ATAD2: variants seen among roughly 807,000 people sequenced by gnomAD.
ATAD2 encodes ATPase family AAA domain-containing protein 2.
A neutral mutation model predicts 168.9 loss-of-function variants in ATAD2; 62 were observed. That is an observed-to-expected ratio of 0.37 (90% CI 0.30 to 0.45). ATAD2 has a LOEUF of 0.45. Ranked by LOEUF, ATAD2 falls within the 20% of genes least tolerant of loss-of-function variation. The pLI, the probability that ATAD2 is intolerant of heterozygous loss-of-function variation, is 1.00. For synonymous variants in ATAD2, 613 were observed against 571.6 expected, an observed-to-expected ratio of 1.07 and a Z score of -1.03; for missense variants, 1,419 against 1,667.8, an observed-to-expected ratio of 0.85 and a Z score of 2.60.
chr8:123,383,517 ATCCCAGGACT>A (rs1829554320), intron 1 of ATAD2, among the ~76,000 whole-genome samples: 1 of 152,184 alleles, frequency 6.6e-6, no homozygotes, highest in Non-Finnish European at 1.5e-5. Flanking sequence ...CATGCCTGTA[ATCCCAGGACT>A]TTGGGAGGCC....
chr8:123,394,821 G>A (rs534984708), intron 1 of ATAD2, among the ~76,000 whole-genome samples: 1 of 152,266 alleles, frequency 6.6e-6, no homozygotes, highest in Admixed American at 6.5e-5. Flanking sequence ...CCAGGTCTCT[G>A]CCAATTCCTG....
Position 123,370,956 on chromosome 8 carries a change from TTC to T in ATAD2, c.672_673del (p.Lys225ArgfsTer6). The T allele has an allele frequency of 6.2e-7, 1 of 1,607,584 alleles. No homozygotes were observed. On this transcript the variant is annotated frameshift_variant, in exon 6 of 28. Coordinates refer to ENST00000287394, the MANE Select transcript of ATAD2 (RefSeq NM_014109.4). LOFTEE classifies it high-confidence loss of function. ...TTCTTCATCAGTTCTTTGAATATCTTTCTGTTTTCCTCTTGTGTACATATTAA... is the reference window on the plus strand; with the variant it reads ...TTCTTCATCAGTTCTTTGAATATCTTTGTTTTCCTCTTGTGTACATATTAA...
At chr8:123,338,764 TG>T (rs1164761771) in intron 20 of ATAD2, among the ~76,000 whole-genome samples, 1 of 152,222 alleles carries the variant, frequency 6.6e-6, no homozygotes. Flanking sequence ...CCGGGCATTT[TG>T]GCATGAGCCT....
At chr8:123,333,681 T>C (rs551565347) in intron 24 of ATAD2, among the ~76,000 whole-genome samples, 197 bp downstream of exon 24, 2 of 152,224 alleles carry the variant, frequency 1.3e-5, no homozygotes, top group East Asian at 3.9e-4. Context: ...AGTCCACAAT[T>C]AGATGGTGAC....
At chr8:123,337,866 T>C in intron 20 of ATAD2, 45 bp from the exon 21 acceptor site, 1 of 1,495,196 alleles carries the variant, frequency 6.7e-7, no homozygotes, top group Non-Finnish European at 9.0e-7. Context: ...TCCATAACAT[T>C]GAGGTTGACA....
intron 13 of ATAD2, among the ~76,000 whole-genome samples, chr8:123,353,551 T>C (rs958261775): frequency 1.3e-5 from 2 of 152,224 alleles, no homozygotes; most frequent in African/African-American, 2.4e-5. Flanking sequence ...TATGTCATTC[T>C]GGTACGATTC....
chr8:123,346,760 CA>C lies in ATAD2; in HGVS notation c.2213-11del, dbSNP rs752412339. On this transcript the variant is annotated splice_polypyrimidine_tract_variant and intron_variant, in intron 16 of 27. Transcript: ENST00000287394. The stretch of plus-strand genomic sequence containing the variant: ...AGAGGACAAGAAATATCTATAAAAC[CA>C]AAAAATTGTACATTAGTAACTTTTG... The C allele has an allele frequency of 3.2e-6, 5 of 1,571,918 alleles. No homozygotes were observed. Among genetic ancestry groups the C allele is most frequent in the Admixed American group, 2.0e-5 (1 of 48,860 alleles).
chr8:123,356,325 C>T, intron 13 of ATAD2, 64 bp downstream of exon 13: 3 of 1,354,028 alleles, frequency 2.2e-6, no homozygotes, highest in Non-Finnish European at 3.1e-6. Flanking sequence ...CATTCTATCT[C>T]TCACACATCA....
At chr8:123,372,813 A>C in intron 2 of ATAD2, 127 bp from the exon 3 acceptor site, 1 of 693,808 alleles carries the variant, frequency 1.4e-6, no homozygotes, top group Non-Finnish European at 2.2e-6. Flanking sequence ...CTACAGCCTC[A>C]AACTGCTGGG....
At chr8:123,378,547 C>G (rs143822081) in intron 2 of ATAD2, among the ~76,000 whole-genome samples, 2 of 151,546 alleles carry the variant, frequency 1.3e-5, no homozygotes, top group Non-Finnish European at 2.9e-5. Context: ...ACTAAAAATA[C>G]AAAAATTAGC....
intron 22 of ATAD2, among the ~76,000 whole-genome samples, chr8:123,334,753 C>T (rs1324590858): frequency 6.6e-6 from 1 of 152,144 alleles, no homozygotes; most frequent in Non-Finnish European, 1.5e-5. Flanking sequence ...AAGCAACCCT[C>T]CACAGGAAAC....
chr8:123,334,752 T>C (rs1459553910), intron 22 of ATAD2, among the ~76,000 whole-genome samples: 1 of 152,184 alleles, frequency 6.6e-6, no homozygotes, highest in Non-Finnish European at 1.5e-5. Flanking sequence ...AAAGCAACCC[T>C]CCACAGGAAA....
intron 8 of ATAD2, among the ~76,000 whole-genome samples, chr8:123,365,303 T>A (rs911422510): frequency 1.3e-5 from 2 of 152,100 alleles, no homozygotes; most frequent in Admixed American, 6.5e-5. Context: ...TGGAAGCACA[T>A]CCCATGCTCA....
At position 123,380,546 on chromosome 8, in the gene ATAD2, A is replaced by G. The variant is rs1829464153; in HGVS notation, c.303T>C (p.Asn101=). The G allele has an allele frequency of 1.9e-6, 3 of 1,614,054 alleles. No individual in the cohort carries two copies. In the Admixed American group the frequency reaches 5.0e-5, roughly 27 times the overall value. The change falls in exon 2 of 28, where the codon AAT becomes AAC. Residue 101 remains asparagine (N), a synonymous_variant. Transcript: ENST00000287394. ...KNVEITEQLA[N]GRHFTRQLAR... ...TGTATTACCTTGTAAAATGCCTGCC[A>G]TTAGCAAGTTGCTCCGTTATTTCCA...
In ATAD2 at chr8:123,361,385, T is replaced by C. The variant is rs992754069; in HGVS notation, c.1157+154A>G. Among the ~76,000 whole-genome samples the C allele has an allele frequency of 3.3e-5, 5 of 151,940 alleles. No homozygotes were observed. In the South Asian group the frequency reaches 1.0e-3, roughly 32 times the overall value. ...CCTGTTATTCTGATTCAACTGTAGATAATTCTAACAAGACAGCATTCTAGT... is the reference window on the plus strand; with the variant it reads ...CCTGTTATTCTGATTCAACTGTAGACAATTCTAACAAGACAGCATTCTAGT... On this transcript the variant is annotated intron_variant, in intron 9 of 27. Coordinates refer to ENST00000287394, the MANE Select transcript of ATAD2 (RefSeq NM_014109.4).
chr8:123,372,727 T>A lies in ATAD2; in HGVS notation c.321-41A>T, dbSNP rs1457911521. On this transcript the variant is annotated intron_variant, in intron 2 of 27. Coordinates refer to ENST00000287394, the MANE Select transcript of ATAD2 (RefSeq NM_014109.4). ...TTAGATTAATTCAAAATAATTGACA[T>A]AACTTTATTTTTATTTATTTAGATG... 3.4e-6 allele frequency: 5 copies of A among 1,466,942 alleles called. No homozygotes were observed. In the Admixed American group the frequency reaches 8.3e-5, roughly 24 times the overall value. The allele number at this position is 1,466,942 out of a possible 1,614,324, so 90.9% of individuals were successfully genotyped here. A position where few individuals can be genotyped will look rare whatever the true frequency, so the allele number is the denominator to read the frequency against.
At chr8:123,321,337 A>AAACT (rs58618276) in intron 27 of ATAD2, among the ~76,000 whole-genome samples, 162 bp from the exon 28 acceptor site, 12,480 of 151,900 alleles carry the variant, frequency 0.082, 1,676 homozygotes, top group African/African-American at 0.29. Flanking sequence ...ACTGCCACAT[A>AAACT]GATTTTACCT....
At chr8:123,380,729 T>G (rs749370490) in intron 1 of ATAD2, 52 bp from the exon 2 acceptor site, 1 of 1,561,134 alleles carries the variant, frequency 6.4e-7, no homozygotes, top group Non-Finnish European at 8.7e-7. Context: ...AAAACTCCAA[T>G]TTAAATTCCT....
intron 13 of ATAD2, among the ~76,000 whole-genome samples, chr8:123,354,864 A>T (rs9297667): frequency 0.029 from 1,869 of 64,282 alleles, 58 homozygotes; most frequent in Admixed American, 0.042. Flanking sequence ...AAAAAAAAAA[A>T]ATATATATAT....
Sources: allele counts gnomAD v4.1 joint callset (sites outside exome capture counted in the v4.1 genomes callset), GRCh38; gene constraint gnomAD v4.1.1; transcripts MANE v1.5; gene names NCBI Gene and HGNC (gene_info 2026-07-23, HGNC 2026-07-21).